STK32C: variants seen among roughly 807,000 people sequenced by gnomAD.
STK32C encodes the protein serine/threonine-protein kinase 32C.
Under a neutral mutation model 56.5 loss-of-function variants are expected in STK32C, and 31 were observed. That is an observed-to-expected ratio of 0.55 (90% CI 0.41 to 0.74). STK32C has a LOEUF of 0.74. Ranked by LOEUF, STK32C falls within the 30% of genes least tolerant of loss-of-function variation. The pLI, the probability that STK32C is intolerant of heterozygous loss-of-function variation, is 0.00. For missense variants in STK32C, 544 were observed against 676.9 expected, an observed-to-expected ratio of 0.80 and a Z score of 2.18; for synonymous variants, 309 against 289.4, an observed-to-expected ratio of 1.07 and a Z score of -0.69.
intron 10 of STK32C, among the ~76,000 whole-genome samples, chr10:132,214,521 T>C (rs779555685): frequency 3.9e-5 from 6 of 152,182 alleles, no homozygotes; most frequent in Non-Finnish European, 5.9e-5. Context: ...ACGAAGTTCC[T>C]CAGGGGAAAG....
At chr10:132,304,627 C>G (rs1424555330) in intron 1 of STK32C, among the ~76,000 whole-genome samples, 2 of 152,166 alleles carry the variant, frequency 1.3e-5, no homozygotes, top group African/African-American at 4.8e-5. Flanking sequence ...GAGGTGACAC[C>G]GTGATCCCAA....
intron 1 of STK32C, among the ~76,000 whole-genome samples, chr10:132,260,489 C>T (rs1181893231): frequency 3.9e-5 from 6 of 152,248 alleles, no homozygotes; most frequent in African/African-American, 1.2e-4. Flanking sequence ...ACCCTCCCAC[C>T]GGACACACAG....
At chr10:132,330,237 A>G in intron 1 of STK32C, 2 of 556,860 alleles carry the variant, frequency 3.6e-6, no homozygotes, top group Non-Finnish European at 6.5e-6. Flanking sequence ...AGCATGAAAA[A>G]TGTGAAACAA....
At chr10:132,213,840 A>G (rs1317167548) in intron 10 of STK32C, among the ~76,000 whole-genome samples, 1 of 152,242 alleles carries the variant, frequency 6.6e-6, no homozygotes, top group Admixed American at 6.5e-5. Context: ...TCAAAAGGAA[A>G]TGCTGGAAGT....
At chr10:132,259,269 C>G (rs753123124) in intron 1 of STK32C, among the ~76,000 whole-genome samples, 53 of 152,218 alleles carry the variant, frequency 3.5e-4, no homozygotes, top group Non-Finnish European at 4.0e-4. Context: ...TGGTTTGGCT[C>G]TGTGTTCCCA....
upstream of STK32C, chr10:132,332,005 T>G: frequency 1.4e-5 from 4 of 283,370 alleles, no homozygotes; most frequent in African/African-American, 6.2e-5. Flanking sequence ...CCCGACCCCC[T>G]GCCGCGCAGG....
chr10:132,321,868 A>G (rs1367053169), downstream of STK32C, among the ~76,000 whole-genome samples: 4 of 152,250 alleles, frequency 2.6e-5, no homozygotes, highest in Admixed American at 1.3e-4. Flanking sequence ...GCTTAAATGC[A>G]TGATCCCGCG....
intron 1 of STK32C, among the ~76,000 whole-genome samples, chr10:132,265,005 A>G (rs757514307): frequency 1.1e-4 from 16 of 152,196 alleles, no homozygotes; most frequent in Non-Finnish European, 1.8e-4. Context: ...ACAGCCACAC[A>G]TCTTCCTGAC....
chr10:132,247,395 G>A (rs2063731482), intron 1 of STK32C, among the ~76,000 whole-genome samples: 1 of 152,220 alleles, frequency 6.6e-6, no homozygotes, highest in Non-Finnish European at 1.5e-5. Flanking sequence ...CATGGGCCCT[G>A]GGGACAGAGT....
At chr10:132,273,239 G>A (rs2064886948) in intron 1 of STK32C, among the ~76,000 whole-genome samples, 2 of 152,148 alleles carry the variant, frequency 1.3e-5, no homozygotes, top group South Asian at 4.2e-4. Flanking sequence ...CTCACTAAGC[G>A]ACCCCACCAA....
chr10:132,239,661 C>T (rs1457041048), intron 2 of STK32C, among the ~76,000 whole-genome samples: 1 of 152,244 alleles, frequency 6.6e-6, no homozygotes, highest in Non-Finnish European at 1.5e-5. Context: ...CCCGCAGTGA[C>T]TGCAGCAGCC....
intron 2 of STK32C, among the ~76,000 whole-genome samples, chr10:132,242,705 ACT>A (rs1292830252): frequency 2.0e-5 from 3 of 150,362 alleles, no homozygotes; most frequent in Non-Finnish European, 4.4e-5. Flanking sequence ...GGGGCCCACC[ACT>A]GTTTTGGGTG....
At chr10:132,308,509 C>T (rs2066154150), upstream of STK32C, among the ~76,000 whole-genome samples, 1 of 151,736 alleles carries the variant, frequency 6.6e-6, no homozygotes, top group Non-Finnish European at 1.5e-5. Flanking sequence ...CGGGAATCTG[C>T]CGGGCAGAGC....
At chr10:132,226,770 C>G in intron 4 of STK32C, 25 bp downstream of exon 4, 2 of 1,606,570 alleles carry the variant, frequency 1.2e-6, no homozygotes, top group Non-Finnish European at 1.7e-6. Context: ...TCAGCAGGTA[C>G]CTGCGCCGTC....
At chr10:132,247,342 C>A (rs1241491579) in intron 1 of STK32C, among the ~76,000 whole-genome samples, 1 of 152,190 alleles carries the variant, frequency 6.6e-6, no homozygotes. Context: ...CCCAGGATAG[C>A]CCCAGGTTTC....
chr10:132,259,275 TCCC>T (rs1445178094), intron 1 of STK32C, among the ~76,000 whole-genome samples: 2 of 152,212 alleles, frequency 1.3e-5, no homozygotes, highest in Non-Finnish European at 2.9e-5. Flanking sequence ...GGCTCTGTGT[TCCC>T]ACCCAAATCT....
rs767260088 is a variant in STK32C, at chr10:132,225,464, G to A, written c.772+63C>T. On this transcript the variant is annotated intron_variant, in intron 6 of 11. Coordinates refer to ENST00000298630, the MANE Select transcript of STK32C (RefSeq NM_173575.4). ...TCCAGGGTGGGACAGAGAAGCCACC[G>A]AGGTCTTGTCCTTCCCACCTGGAGG... is the stretch of plus-strand genomic sequence containing the variant. The A allele has an allele frequency of 9.4e-5, 151 of 1,604,340 alleles. 1 individual carries two copies. The highest frequency in any genetic ancestry group is 1.4e-4 in the South Asian group (13 of 90,868).
rs200405355 is a variant in STK32C, at chr10:132,225,378, C to T, written c.773-42G>A. ...AGGAAAAACAGCTGCCACGGGGTCA[C>T]AGCCCGGACCCGTGGGCACAGGGCC... On this transcript the variant is annotated intron_variant, in intron 6 of 11. Coordinates refer to ENST00000298630, the MANE Select transcript of STK32C (RefSeq NM_173575.4). 1.3e-5 allele frequency: 20 copies of T among 1,588,076 alleles called. No individual in the cohort carries two copies. In the East Asian group the frequency reaches 1.4e-4, roughly 11 times the overall value.
chr10:132,209,361 G>A (rs1425573541), intron 10 of STK32C: 3 of 696,996 alleles, frequency 4.3e-6, no homozygotes, highest in East Asian at 5.4e-5. Flanking sequence ...TTGCTCCGTG[G>A]GGCCTGCAGG....
Sources: gnomAD v4.1 joint callset for allele counts (sites outside exome capture counted in the v4.1 genomes callset) on GRCh38, gnomAD v4.1.1 for gene constraint, MANE v1.5 for transcripts, NCBI Gene and HGNC (gene_info 2026-07-23, HGNC 2026-07-21) for gene names.